The following DNAH12 variants were observed in gnomAD, a reference collection of about 807,000 sequenced individuals.
DNAH12 encodes axonemal beta dynein heavy chain 12.
Under a neutral mutation model 371.5 loss-of-function variants are expected in DNAH12, and 285 were observed. The observed-to-expected ratio is 0.77, with a 90% CI of 0.70 to 0.85. The LOEUF (loss-of-function observed/expected upper bound fraction) is 0.85, where lower values mean the gene tolerates loss of function less well. DNAH12 is among the 40% of genes least tolerant of loss of function. The pLI, the probability that DNAH12 is intolerant of heterozygous loss-of-function variation, is 0.00. For synonymous variants in DNAH12, 1,200 were observed against 1,213.0 expected (o/e 0.99, Z 0.22); for missense variants, 3,611 against 3,689.4 (o/e 0.98, Z 0.55).
intron 70 of DNAH12, 24 bp from the exon 71 acceptor site, chr3:57,297,008 T>A (rs1256093892): frequency 6.5e-7 from 1 of 1,549,246 alleles, no homozygotes; most frequent in Non-Finnish European, 8.7e-7. Context: ...ACAAAACACA[T>A]TATGTCAGTT....
chr3:57,389,822 G>GTGTATATATATA (rs1326306277), intron 45 of DNAH12, among the ~76,000 whole-genome samples: 3 of 45,816 alleles, frequency 6.5e-5, no homozygotes, highest in Non-Finnish European at 2.1e-4. Context: ...GTGTGTGTGT[G>GTGTATATATATA]TATATATATA....
chr3:57,475,694 G>C (rs1159170270), intron 13 of DNAH12, among the ~76,000 whole-genome samples: 1 of 152,118 alleles, frequency 6.6e-6, no homozygotes, highest in Non-Finnish European at 1.5e-5. Context: ...CATATGAAAA[G>C]TGTTCAAATT....
At chr3:57,433,288 T>C (rs1331971573) in intron 32 of DNAH12, 79 bp downstream of exon 32, 3 of 1,389,082 alleles carry the variant, frequency 2.2e-6, no homozygotes, top group Admixed American at 3.2e-5. Context: ...TTATTTTAAA[T>C]AGAGTCCTAG....
Position 57,360,752 on chromosome 3 carries a change from C to A in DNAH12, c.9360+2842G>T, listed in dbSNP as rs1363416524. Among the ~76,000 whole-genome samples the A allele has an allele frequency of 2.6e-5, 4 of 152,234 alleles. No homozygotes were observed. The East Asian group carries it at 7.7e-4, about 29-fold the overall frequency. On this transcript the variant is annotated intron_variant, in intron 58 of 73. Transcript: ENST00000495027. ...CAAGGGTGCATTGTGGGGTGGGGAG[C>A]AGTGCAGAGATGATGAGTAATTAGT...
At chr3:57,299,766 A>C (rs2061308056) in intron 70 of DNAH12, among the ~76,000 whole-genome samples, 4 of 148,210 alleles carry the variant, frequency 2.7e-5, no homozygotes, top group Admixed American at 2.0e-4. Flanking sequence ...CCATGATGGC[A>C]TCTTGATCTC....
chr3:57,419,552 C>G (rs1219578764), intron 36 of DNAH12, 34 bp from the exon 37 acceptor site: 8 of 1,373,790 alleles, frequency 5.8e-6, no homozygotes, highest in African/African-American at 3.0e-5. Context: ...AATATTAAAA[C>G]CATGTACTTG....
intron 44 of DNAH12, among the ~76,000 whole-genome samples, chr3:57,393,625 C>CAAAAAAAAAAAAAAAAAAAA (rs1180952196): frequency 1.2e-4 from 8 of 64,268 alleles, no homozygotes; most frequent in African/African-American, 1.7e-4. Context: ...GACTCTGTCT[C>CAAAAAAAAAAAAAAAAAAAA]AAAAAAAAAA....
At chr3:57,333,324 G>A (rs2062147225) in intron 62 of DNAH12, among the ~76,000 whole-genome samples, 1 of 123,454 alleles carries the variant, frequency 8.1e-6, no homozygotes, top group East Asian at 2.2e-4. Flanking sequence ...TTCTTTTTAA[G>A]GCAACTTTTT....
intron 70 of DNAH12, among the ~76,000 whole-genome samples, chr3:57,299,910 A>G (rs1023719783): frequency 1.3e-5 from 2 of 152,208 alleles, no homozygotes; most frequent in African/African-American, 4.8e-5. Context: ...AGAAATGAGG[A>G]AAGTGTAGAG....
intron 38 of DNAH12, among the ~76,000 whole-genome samples, chr3:57,414,772 A>T (rs1480541196): frequency 3.3e-5 from 5 of 152,228 alleles, no homozygotes; most frequent in Non-Finnish European, 7.3e-5. Flanking sequence ...ATTCAAATAA[A>T]GCTCCACAGT....
intron 17 of DNAH12, among the ~76,000 whole-genome samples, chr3:57,467,996 C>T (rs1364729233): frequency 6.6e-6 from 1 of 152,214 alleles, no homozygotes; most frequent in Non-Finnish European, 1.5e-5. Flanking sequence ...ACCAATCACT[C>T]AGCTCTGTCA....
intron 11 of DNAH12, among the ~76,000 whole-genome samples, chr3:57,490,859 C>T (rs555600989): frequency 3.2e-4 from 48 of 152,108 alleles, no homozygotes; most frequent in African/African-American, 9.2e-4. Context: ...GAAGCCGAGG[C>T]GGGTGGACCA....
rs1481579414 is a variant in DNAH12, at chr3:57,326,380, C to A, written c.9979-2761G>T. Among the ~76,000 whole-genome samples the A allele has an allele frequency of 2.6e-5, 4 of 152,254 alleles. No homozygotes were observed. In the East Asian group the frequency reaches 7.7e-4, roughly 29 times the overall value. Reference sequence around the variant, plus strand: ...GAGCTCTCGGCAGAAACTCTACAAGCCAGAAGAGAGTGGGGGCCAATATTC... The same window carrying A: ...GAGCTCTCGGCAGAAACTCTACAAGACAGAAGAGAGTGGGGGCCAATATTC... On this transcript the variant is annotated intron_variant, in intron 62 of 73. Transcript: ENST00000495027.
chr3:57,304,039 C>G (rs778264568), intron 69 of DNAH12, among the ~76,000 whole-genome samples: 1 of 151,698 alleles, frequency 6.6e-6, no homozygotes, highest in Non-Finnish European at 1.5e-5. Flanking sequence ...AAAATCTCCC[C>G]CACTGAGCAC....
intron 70 of DNAH12, among the ~76,000 whole-genome samples, chr3:57,299,635 A>C (rs751327228): frequency 1.3e-5 from 2 of 152,058 alleles, no homozygotes; most frequent in Admixed American, 1.3e-4. Flanking sequence ...TTTGGGAGGT[A>C]ATTAGGTCAT....
At chr3:57,442,624 A>T (rs1330275963) in intron 29 of DNAH12, among the ~76,000 whole-genome samples, 2 of 152,202 alleles carry the variant, frequency 1.3e-5, no homozygotes. Flanking sequence ...GCAAGATGGC[A>T]ATTTAGTACT....
chr3:57,312,315 C>A (rs946610654), intron 66 of DNAH12, among the ~76,000 whole-genome samples: 1 of 152,104 alleles, frequency 6.6e-6, no homozygotes, highest in Admixed American at 6.6e-5. Context: ...CATGTCTCTT[C>A]TTTGGGGGAG....
chr3:57,434,352 C>G (rs73074597), intron 30 of DNAH12, among the ~76,000 whole-genome samples: 8,908 of 152,222 alleles, frequency 0.059, 376 homozygotes, highest in Non-Finnish European at 0.094. Flanking sequence ...ACAGAGCTCC[C>G]TTTTCCCTCT....
At chr3:57,401,159 T>C (rs979954794) in intron 43 of DNAH12, among the ~76,000 whole-genome samples, 42 of 152,024 alleles carry the variant, frequency 2.8e-4, no homozygotes, top group African/African-American at 9.9e-4. Context: ...TTAGAAAATA[T>C]CTTGAGAAAA....
Sources: allele counts gnomAD v4.1 joint callset (sites outside exome capture counted in the v4.1 genomes callset), GRCh38; gene constraint gnomAD v4.1.1; transcripts MANE v1.5; gene names NCBI Gene and HGNC (gene_info 2026-07-23, HGNC 2026-07-21).